The following ST3GAL6 variants were observed in gnomAD, a reference collection of about 807,000 sequenced individuals.
The protein encoded by ST3GAL6 is type 2 lactosamine alpha-2,3-sialyltransferase.
Under a neutral mutation model 40.5 loss-of-function variants are expected in ST3GAL6, and 31 were observed. The ratio of observed to expected loss-of-function variants is 0.77; its 90% confidence interval spans 0.58 to 1.03. ST3GAL6 has a LOEUF of 1.03. Among genes scored for constraint, ST3GAL6 ranks in the 50% least tolerant of loss-of-function variants. The pLI is 0.00. For synonymous variants in ST3GAL6, 129 were observed against 136.9 expected (o/e 0.94, Z 0.40); for missense variants, 357 against 393.2 (o/e 0.91, Z 0.78).
At chr3:98,764,199 T>C (rs930719032) in intron 1 of ST3GAL6, among the ~76,000 whole-genome samples, 6 of 152,218 alleles carry the variant, frequency 3.9e-5, no homozygotes, top group Admixed American at 6.5e-5. Flanking sequence ...ACTTTTGCAC[T>C]AACCTAATGC....
chr3:98,758,949 T>A (rs532094179), upstream of ST3GAL6, among the ~76,000 whole-genome samples: 13 of 152,322 alleles, frequency 8.5e-5, no homozygotes, highest in Admixed American at 8.5e-4. Flanking sequence ...TGTAAAAAGA[T>A]TAGGCAAATT....
intron 5 of ST3GAL6, among the ~76,000 whole-genome samples, chr3:98,777,214 T>G (rs976834989): frequency 6.6e-6 from 1 of 152,162 alleles, no homozygotes; most frequent in Non-Finnish European, 1.5e-5. Flanking sequence ...CTCCCAGAAA[T>G]CCCATATAAC....
rs146407197 is a variant in ST3GAL6 at position 98,780,541 on chromosome 3, C to T, written c.336-4404C>T. Among the ~76,000 whole-genome samples the T allele has an allele frequency of 1.7e-3, 265 of 152,036 alleles. 1 individual carries two copies. The highest frequency in any genetic ancestry group is 5.8e-3 in the African/African-American group (239 of 41,522). On this transcript the variant is annotated intron_variant, in intron 5 of 9. Coordinates refer to ENST00000483910, the MANE Select transcript of ST3GAL6 (RefSeq NM_001323368.2). ...AGCTGCAAAGAATCTTTGGAATGGG[C>T]GTTCTAAATGAGGCAATGTCTATGT...
At chr3:98,787,769 C>G (rs1022426526) in intron 6 of ST3GAL6, among the ~76,000 whole-genome samples, 1 of 152,160 alleles carries the variant, frequency 6.6e-6, no homozygotes. Context: ...GTCTTCAGTT[C>G]CCCTGGAGGT....
intron 1 of ST3GAL6, chr3:98,732,547 G>A (rs1935111552): frequency 6.8e-6 from 2 of 292,830 alleles, no homozygotes; most frequent in Non-Finnish European, 1.3e-5. Flanking sequence ...GGGTTCGGCT[G>A]TGCTCCCGCC....
At chr3:98,754,212 G>A (rs1479462517) in intron 1 of ST3GAL6, among the ~76,000 whole-genome samples, 1 of 152,182 alleles carries the variant, frequency 6.6e-6, no homozygotes, top group African/African-American at 2.4e-5. Context: ...CATTAAGAAC[G>A]TTTGTGATTT....
intron 1 of ST3GAL6, among the ~76,000 whole-genome samples, chr3:98,748,049 A>G (rs1936699584): frequency 6.6e-6 from 1 of 152,214 alleles, no homozygotes; most frequent in Non-Finnish European, 1.5e-5. Flanking sequence ...TCCTAATGAA[A>G]TAGATCACAA....
upstream of ST3GAL6, among the ~76,000 whole-genome samples, chr3:98,761,226 C>A (rs1937722938): frequency 6.6e-6 from 1 of 152,092 alleles, no homozygotes; most frequent in Non-Finnish European, 1.5e-5. Context: ...AGGAGGATTA[C>A]TTGAGCCCAG....
At chr3:98,739,218 A>C (rs1935844431) in intron 1 of ST3GAL6, among the ~76,000 whole-genome samples, 1 of 152,188 alleles carries the variant, frequency 6.6e-6, no homozygotes, top group African/African-American at 2.4e-5. Context: ...GGAAGTTTAT[A>C]GTGCCAAATG....
intron 6 of ST3GAL6, 104 bp downstream of exon 6, chr3:98,785,144 G>T: frequency 2.3e-5 from 18 of 785,580 alleles, no homozygotes; most frequent in South Asian, 7.5e-5. Context: ...GTTTCCATTT[G>T]GTTTTTTTTT....
At chr3:98,737,743 C>G (rs887311150) in intron 1 of ST3GAL6, among the ~76,000 whole-genome samples, 4 of 152,118 alleles carry the variant, frequency 2.6e-5, no homozygotes. Context: ...CTCAGGAGAC[C>G]TATCTCACAT....
At chr3:98,755,982 A>T (rs1937388525) in intron 1 of ST3GAL6, among the ~76,000 whole-genome samples, 1 of 152,078 alleles carries the variant, frequency 6.6e-6, no homozygotes, top group African/African-American at 2.4e-5. Context: ...TTTCAGAGAA[A>T]TAGATACTTC....
At chr3:98,774,634 G>A (rs1371467701) in intron 5 of ST3GAL6, among the ~76,000 whole-genome samples, 1 of 152,212 alleles carries the variant, frequency 6.6e-6, no homozygotes, top group Non-Finnish European at 1.5e-5. Context: ...CAGGGTGCCA[G>A]TGTGATAATA....
intron 6 of ST3GAL6, among the ~76,000 whole-genome samples, chr3:98,786,158 A>T (rs953766009): frequency 6.6e-6 from 1 of 152,096 alleles, no homozygotes; most frequent in Non-Finnish European, 1.5e-5. Context: ...ACAGGTTAAA[A>T]TCTTGATGGT....
chr3:98,732,986 C>A (rs1935166952), intron 1 of ST3GAL6: 1 of 1,489,976 alleles, frequency 6.7e-7, no homozygotes, highest in Non-Finnish European at 8.9e-7. Context: ...TGCCGGCCGG[C>A]TTCGCTGCGG....
intron 1 of ST3GAL6, among the ~76,000 whole-genome samples, chr3:98,749,087 G>A (rs904954703): frequency 6.6e-6 from 1 of 152,186 alleles, no homozygotes; most frequent in African/African-American, 2.4e-5. Flanking sequence ...GCCTAAAACA[G>A]TGTCCAGCAC....
intron 1 of ST3GAL6, among the ~76,000 whole-genome samples, chr3:98,743,353 C>G (rs1229303766): frequency 6.6e-6 from 1 of 151,798 alleles, no homozygotes; most frequent in Non-Finnish European, 1.5e-5. Context: ...TGAATTACTT[C>G]AGCATTTCCA....
At chr3:98,781,037 A>G (rs828603) in intron 5 of ST3GAL6, among the ~76,000 whole-genome samples, 47,386 of 152,152 alleles carry the variant, frequency 0.31, 8,810 homozygotes, top group East Asian at 0.71. Flanking sequence ...ATGTATGTTT[A>G]TTGCAGCACT....
intron 1 of ST3GAL6, among the ~76,000 whole-genome samples, chr3:98,755,718 TA>T (rs1249088875): frequency 6.6e-6 from 1 of 152,170 alleles, no homozygotes; most frequent in Non-Finnish European, 1.5e-5. Context: ...TTTAACGTCC[TA>T]AAGAGCATGC....
Sources: gnomAD v4.1 joint callset for allele counts (sites outside exome capture counted in the v4.1 genomes callset) on GRCh38, gnomAD v4.1.1 for gene constraint, MANE v1.5 for transcripts, NCBI Gene and HGNC (gene_info 2026-07-23, HGNC 2026-07-21) for gene names.